AGBL4: variants seen among roughly 807,000 people sequenced by gnomAD.
The protein encoded by AGBL4 is cytosolic carboxypeptidase 6.
AGBL4 carries 58 observed loss-of-function variants against 66.4 expected under a neutral mutation model. That is an observed-to-expected ratio of 0.87 (90% CI 0.71 to 1.09). The LOEUF (loss-of-function observed/expected upper bound fraction) is 1.09. AGBL4 is among the 50% of genes least tolerant of loss of function. AGBL4 has a pLI of 0.00. For synonymous variants in AGBL4, 234 were observed against 222.9 expected, an observed-to-expected ratio of 1.05 and a Z score of -0.44; for missense variants, 579 against 631.0, an observed-to-expected ratio of 0.92 and a Z score of 0.88.
intron 5 of AGBL4, among the ~76,000 whole-genome samples, chr1:48,873,319 A>G (rs1648874002): frequency 6.6e-6 from 1 of 152,112 alleles, no homozygotes; most frequent in African/African-American, 2.4e-5. Flanking sequence ...TGGAACAACA[A>G]CCCCATACCC....
rs368516895 is a variant in AGBL4 at position 48,789,742 on chromosome 1, A to G, written c.634+77449T>C. On this transcript the variant is annotated intron_variant, in intron 6 of 13. Coordinates refer to ENST00000371839, the MANE Select transcript of AGBL4 (RefSeq NM_032785.4). ...ACGTTAAGCTCACTAACTCCAAGTC[A>G]TAGGAAGAACTTTAAGGTCCTCTGG... Among the ~76,000 whole-genome samples, 31 of 152,322 alleles carry G rather than the reference A, an allele frequency of 2.0e-4. 1 individual carries two copies. The highest frequency in any genetic ancestry group is 7.5e-4 in the African/African-American group (31 of 41,576).
intron 3 of AGBL4, among the ~76,000 whole-genome samples, chr1:49,273,009 T>C (rs1644094329): frequency 6.6e-6 from 1 of 152,214 alleles, no homozygotes; most frequent in African/African-American, 2.4e-5. Flanking sequence ...TATAAATGTA[T>C]TACTTCCATA....
chr1:49,977,019 AG>A (rs1658617870), intron 1 of AGBL4, among the ~76,000 whole-genome samples: 1 of 152,212 alleles, frequency 6.6e-6, no homozygotes, highest in South Asian at 2.1e-4. Context: ...TATAATTATA[AG>A]TTACCTTTAT....
intron 4 of AGBL4, among the ~76,000 whole-genome samples, chr1:49,097,437 T>A (rs1645125686): frequency 6.6e-6 from 1 of 152,204 alleles, no homozygotes; most frequent in Non-Finnish European, 1.5e-5. Context: ...GTACACTTAT[T>A]ATATGTGTAC....
intron 1 of AGBL4, among the ~76,000 whole-genome samples, chr1:50,019,630 T>C (rs1346976862): frequency 6.6e-6 from 1 of 151,888 alleles, no homozygotes; most frequent in East Asian, 1.9e-4. Flanking sequence ...TCACAGAGAG[T>C]GATAAAGGTA....
At chr1:49,476,156 G>C (rs1646840599) in intron 3 of AGBL4, among the ~76,000 whole-genome samples, 1 of 151,728 alleles carries the variant, frequency 6.6e-6, no homozygotes, top group African/African-American at 2.4e-5. Context: ...TTTTATTTCT[G>C]CCTAAATCTT....
chr1:49,270,971 C>T (rs1358722695), intron 3 of AGBL4, among the ~76,000 whole-genome samples: 1 of 152,048 alleles, frequency 6.6e-6, no homozygotes, highest in Non-Finnish European at 1.5e-5. Flanking sequence ...AGTTAAAGTC[C>T]TTTGAAAGCT....
At chr1:49,278,004 CA>C (rs1233506739) in intron 3 of AGBL4, among the ~76,000 whole-genome samples, 1 of 152,156 alleles carries the variant, frequency 6.6e-6, no homozygotes, top group Non-Finnish European at 1.5e-5. Flanking sequence ...TCTCATTTAA[CA>C]ATCATAACAA....
At chr1:49,563,287 G>A (rs1644102019) in intron 3 of AGBL4, among the ~76,000 whole-genome samples, 1 of 151,960 alleles carries the variant, frequency 6.6e-6, no homozygotes, top group Non-Finnish European at 1.5e-5. Context: ...TTTCCTAATT[G>A]AATGCTCTTT....
At chr1:48,573,143 C>A (rs1413673815) in intron 11 of AGBL4, among the ~76,000 whole-genome samples, 1 of 152,214 alleles carries the variant, frequency 6.6e-6, no homozygotes, top group Non-Finnish European at 1.5e-5. Flanking sequence ...CAACATGCTT[C>A]CAACTTCTCC....
At chr1:49,162,193 TATA>T (rs534876720) in intron 4 of AGBL4, among the ~76,000 whole-genome samples, 21 of 152,264 alleles carry the variant, frequency 1.4e-4, no homozygotes, top group African/African-American at 5.1e-4. Flanking sequence ...CATAACATAC[TATA>T]ATAATAATAG....
intron 6 of AGBL4, among the ~76,000 whole-genome samples, chr1:48,789,569 A>G (rs189619186): frequency 2.0e-4 from 30 of 152,268 alleles, no homozygotes; most frequent in East Asian, 9.7e-4. Context: ...GATTACAGGC[A>G]TGAGCCACAC....
intron 3 of AGBL4, chr1:49,527,231 G>C (rs1027475207): frequency 6.6e-6 from 1 of 151,800 alleles, no homozygotes; most frequent in Non-Finnish European, 1.5e-5. Context: ...CTTTCTCCAC[G>C]ACCATTCCTC....
At chr1:49,394,611 C>T (rs1251075686) in intron 3 of AGBL4, among the ~76,000 whole-genome samples, 3 of 152,046 alleles carry the variant, frequency 2.0e-5, no homozygotes, top group Non-Finnish European at 4.4e-5. Flanking sequence ...GAAAGAAAAA[C>T]GTAAACCCTG....
intron 3 of AGBL4, among the ~76,000 whole-genome samples, chr1:49,662,879 GAA>G (rs1377322950): frequency 6.6e-6 from 1 of 152,034 alleles, no homozygotes; most frequent in Non-Finnish European, 1.5e-5. Flanking sequence ...ATGAAATCAA[GAA>G]AAGAACCGTG....
chr1:49,343,553 G>C (rs1287567848), intron 3 of AGBL4, among the ~76,000 whole-genome samples: 7 of 152,168 alleles, frequency 4.6e-5, no homozygotes, highest in African/African-American at 1.7e-4. Flanking sequence ...CTTCCAACCA[G>C]GATAAACTAA....
chr1:48,591,369 A>C (rs1423820740), intron 9 of AGBL4, among the ~76,000 whole-genome samples: 1 of 152,204 alleles, frequency 6.6e-6, no homozygotes, highest in South Asian at 2.1e-4. Context: ...TATTTCTCTG[A>C]TTAATGAGAA....
At chr1:48,947,693 C>A (rs1234598265) in intron 5 of AGBL4, among the ~76,000 whole-genome samples, 2 of 152,204 alleles carry the variant, frequency 1.3e-5, no homozygotes, top group Non-Finnish European at 2.9e-5. Flanking sequence ...CAAAACGTAA[C>A]ATACTCCTGC....
intron 6 of AGBL4, among the ~76,000 whole-genome samples, chr1:48,717,145 C>T (rs1647065213): frequency 6.6e-6 from 1 of 152,142 alleles, no homozygotes; most frequent in African/African-American, 2.4e-5. Context: ...AAATCAGAAC[C>T]TTTTTGCTTT....
Sources: gnomAD v4.1 joint callset for allele counts (sites outside exome capture counted in the v4.1 genomes callset) on GRCh38, gnomAD v4.1.1 for gene constraint, MANE v1.5 for transcripts, NCBI Gene and HGNC (gene_info 2026-07-23, HGNC 2026-07-21) for gene names.